RBFOX1: variants seen among roughly 807,000 people sequenced by gnomAD.
RBFOX1 encodes the protein RNA binding protein fox-1 homolog 1.
A neutral mutation model predicts 57.7 loss-of-function variants in RBFOX1; 8 were observed. That is an observed-to-expected ratio of 0.14 (90% CI 0.08 to 0.25). The LOEUF is 0.25. Ranked by LOEUF, RBFOX1 falls within the 10% of genes least tolerant of loss-of-function variation. The pLI, the probability that RBFOX1 is intolerant of heterozygous loss-of-function variation, is 1.00. For missense variants in RBFOX1, 611 were observed against 548.5 expected (o/e 1.11, Z -1.14); for synonymous variants, 326 against 222.4 (o/e 1.47, Z -4.15).
At position 7,188,553 on chromosome 16, in the gene RBFOX1, C is replaced by T. The variant is rs375995092; in HGVS notation, c.27+136455C>T. 5.3e-5 allele frequency among the ~76,000 whole-genome samples: 8 copies of T among 152,246 alleles called. No homozygotes were observed. The South Asian group carries it at 1.2e-3, about 24-fold the overall frequency. ...CTGCACCTTTTCTCCCCATCACCCA[C>T]CTCGTTCCCTGAATGCTATTTTATA... On this transcript the variant is annotated intron_variant, in intron 4 of 15. Coordinates refer to ENST00000550418, the MANE Select transcript of RBFOX1 (RefSeq NM_018723.4).
intron 5 of RBFOX1, among the ~76,000 whole-genome samples, chr16:7,536,319 C>CGCGGTG (rs545519189): frequency 5.3e-4 from 80 of 152,290 alleles, no homozygotes; most frequent in African/African-American, 1.9e-3. Flanking sequence ...AGAGGCTGGG[C>CGCGGTG]GCGGTGGCTC....
intron 3 of RBFOX1, among the ~76,000 whole-genome samples, chr16:6,960,640 T>C (rs1420522343): frequency 6.6e-6 from 1 of 152,022 alleles, no homozygotes; most frequent in Admixed American, 6.5e-5. Context: ...CTCTCCTTCC[T>C]TCCTCTGTTC....
At chr16:5,872,385 G>A (rs1438969933) in intron 4 of RBFOX1, among the ~76,000 whole-genome samples, 5 of 152,190 alleles carry the variant, frequency 3.3e-5, no homozygotes, top group African/African-American at 1.2e-4. Flanking sequence ...CACAAAATGG[G>A]AATGGTGAAA....
upstream of RBFOX1, among the ~76,000 whole-genome samples, chr16:6,017,652 C>G (rs890035823): frequency 1.2e-4 from 19 of 152,278 alleles, no homozygotes; most frequent in African/African-American, 4.3e-4. Context: ...TGCAAACTTA[C>G]TTTTTCAAAT....
In RBFOX1 at chr16:6,587,728, C is replaced by T. The variant is rs2097650068; in HGVS notation, c.-63-66875C>T. Among the ~76,000 whole-genome samples the T allele has an allele frequency of 2.0e-5, 3 of 152,280 alleles. No homozygotes were observed. The South Asian group carries it at 6.2e-4, about 32-fold the overall frequency. The stretch of plus-strand genomic sequence containing the variant: ...TTTTCAAAGAAAGAACTCTCCTCAA[C>T]CCTCTTTTTACATACAAACTTGTAG... On this transcript the variant is annotated intron_variant, in intron 2 of 15. Coordinates refer to ENST00000550418, the MANE Select transcript of RBFOX1 (RefSeq NM_018723.4).
chr16:6,647,285 C>T (rs1050167968), intron 2 of RBFOX1, among the ~76,000 whole-genome samples: 1 of 151,978 alleles, frequency 6.6e-6, no homozygotes, highest in African/African-American at 2.4e-5. Context: ...GGTCTGTTGC[C>T]CAGGCTCTAG....
At chr16:5,297,867 C>G (rs763933257) in intron 1 of RBFOX1, among the ~76,000 whole-genome samples, 3 of 152,204 alleles carry the variant, frequency 2.0e-5, no homozygotes, top group Non-Finnish European at 4.4e-5. Flanking sequence ...TAAATTCTCT[C>G]TGATTTGTAT....
chr16:6,806,503 A>C (rs944534286), intron 3 of RBFOX1, among the ~76,000 whole-genome samples: 2 of 152,098 alleles, frequency 1.3e-5, no homozygotes, highest in Non-Finnish European at 2.9e-5. Flanking sequence ...TCTGACCAGT[A>C]AATAAAAGCA....
Position 5,433,263 on chromosome 16 carries a change from G to T in RBFOX1, c.220-33953G>T, listed in dbSNP as rs537180776. On this transcript the variant is annotated intron_variant, in intron 1 of 2. Transcript: ENST00000585867. ...GAGGAGTTTGTGGACATCTTGAAAG[G>T]AGGCCCCTTGACTGCAGGCCTGTCT... Among the ~76,000 whole-genome samples the T allele has an allele frequency of 1.4e-3, 207 of 152,280 alleles. 1 individual carries two copies. Among genetic ancestry groups the T allele is most frequent in the African/African-American group, 4.8e-3 (198 of 41,558 alleles).
intron 1 of RBFOX1, among the ~76,000 whole-genome samples, chr16:6,107,855 T>C (rs887892585): frequency 6.6e-6 from 1 of 152,172 alleles, no homozygotes; most frequent in Non-Finnish European, 1.5e-5. Context: ...AAATAATTAA[T>C]AGTTGATTCT....
chr16:6,636,799 T>TATATATA (rs1298210308), intron 2 of RBFOX1, among the ~76,000 whole-genome samples: 5 of 7,068 alleles, frequency 7.1e-4, no homozygotes, highest in African/African-American at 8.0e-4. Flanking sequence ...TAATATATGT[T>TATATATA]ATATATAATA....
At chr16:6,314,063 T>A (rs2080755238) in intron 1 of RBFOX1, among the ~76,000 whole-genome samples, 1 of 152,112 alleles carries the variant, frequency 6.6e-6, no homozygotes, top group Non-Finnish European at 1.5e-5. Flanking sequence ...TGTAAAGGTG[T>A]GGGTTTGGAC....
intron 3 of RBFOX1, among the ~76,000 whole-genome samples, chr16:6,942,491 C>T (rs572399544): frequency 2.0e-5 from 3 of 152,108 alleles, no homozygotes; most frequent in Admixed American, 6.5e-5. Flanking sequence ...ACAACATCTC[C>T]ATCTCCTGGG....
intron 4 of RBFOX1, among the ~76,000 whole-genome samples, chr16:7,472,892 A>G (rs2061825202): frequency 6.6e-6 from 1 of 152,236 alleles, no homozygotes; most frequent in South Asian, 2.1e-4. Flanking sequence ...GTATTGCTTT[A>G]TTAAGAGCAA....
At chr16:5,400,279 G>C (rs1298719185) in intron 1 of RBFOX1, among the ~76,000 whole-genome samples, 1 of 151,412 alleles carries the variant, frequency 6.6e-6, no homozygotes. Context: ...TTTCAGTAGA[G>C]ATGGGATTTC....
intron 10 of RBFOX1, among the ~76,000 whole-genome samples, chr16:7,627,780 G>A (rs188617455): frequency 5.9e-5 from 9 of 152,282 alleles, no homozygotes; most frequent in Admixed American, 4.6e-4. Flanking sequence ...TTAAGAAAAG[G>A]TCACAAAGCA....
Position 6,594,096 on chromosome 16 carries a change from C to G in RBFOX1, c.-63-60507C>G, listed in dbSNP as rs541661671. The stretch of plus-strand genomic sequence containing the variant: ...GTTCATCTATATCCACAAAATGTGT[C>G]CTCATCATGTTGAAGTGGAACAGCA... On this transcript the variant is annotated intron_variant, in intron 2 of 15. Transcript: ENST00000550418. Among the ~76,000 whole-genome samples the G allele has an allele frequency of 1.2e-4, 19 of 152,228 alleles. No individual in the cohort carries two copies. The South Asian group carries it at 3.9e-3, about 32-fold the overall frequency.
chr16:7,233,851 G>C (rs1603419549), intron 4 of RBFOX1, among the ~76,000 whole-genome samples: 1 of 152,170 alleles, frequency 6.6e-6, no homozygotes, highest in Non-Finnish European at 1.5e-5. Context: ...TGACAACAAG[G>C]TTTATTTCTG....
chr16:6,256,143 G>GTA lies in RBFOX1; in HGVS notation c.-126-60838_-126-60837dup, dbSNP rs60580030. Among the ~76,000 whole-genome samples, 78 of 31,908 alleles carry GTA rather than the reference G, an allele frequency of 2.4e-3. 6 individuals are homozygous for GTA. Among genetic ancestry groups the GTA allele is most frequent in the African/African-American group, 6.0e-3 (73 of 12,104 alleles). The allele number at this position is 31,908 out of a possible 152,430, so 20.9% of individuals were successfully genotyped here. A position where few individuals can be genotyped will look rare whatever the true frequency, so the allele number is the denominator to read the frequency against. ...CTGTAACAAATATATATATATGTGTGTATATATATATATATGTATATATAT... is the reference window on the plus strand; with the variant it reads ...CTGTAACAAATATATATATATGTGTGTATATATATATATATATGTATATATAT... On this transcript the variant is annotated intron_variant, in intron 1 of 15. Coordinates refer to ENST00000550418, the MANE Select transcript of RBFOX1 (RefSeq NM_018723.4).
Sources: allele counts gnomAD v4.1 joint callset (sites outside exome capture counted in the v4.1 genomes callset), GRCh38; gene constraint gnomAD v4.1.1; transcripts MANE v1.5; gene names NCBI Gene and HGNC (gene_info 2026-07-23, HGNC 2026-07-21).